Variants in ZC3H3 observed in about 807,000 individuals in gnomAD.
The protein encoded by ZC3H3 is zinc finger CCCH-type containing 3, also known as zinc finger CCCH domain-containing protein 3.
A neutral mutation model predicts 77.3 loss-of-function variants in ZC3H3; 36 were observed. The ratio of observed to expected loss-of-function variants is 0.47; its 90% CI spans 0.36 to 0.61. The LOEUF (loss-of-function observed/expected upper bound fraction) is 0.61, where lower values mean the gene tolerates loss of function less well. Ranked by LOEUF, ZC3H3 falls within the 20% of genes least tolerant of loss-of-function variation. The probability of loss-of-function intolerance (pLI) is 0.00; values close to 1 mark genes in which losing one functional copy is unlikely to be tolerated. For synonymous variants in ZC3H3, 626 were observed against 555.2 expected (o/e 1.13, Z -1.79); for missense variants, 1,331 against 1,312.2 (o/e 1.01, Z -0.22).
Position 143,465,745 on chromosome 8 carries a change from AG to A in ZC3H3, c.2278del (p.Leu760SerfsTer139). 1 of 1,613,906 alleles carries A rather than the reference AG, an allele frequency of 6.2e-7. No individual in the cohort carries two copies. The highest frequency in any genetic ancestry group is 8.5e-7 in the Non-Finnish European group (1 of 1,179,994). ...TGCACCCAGGGGGCAGTAGCCTTTGAGGAAGTCGCTGCAGACCTCGGCCTTG... is the reference window on the plus strand; with the variant it reads ...TGCACCCAGGGGGCAGTAGCCTTTGAGAAGTCGCTGCAGACCTCGGCCTTG... ...SRKAEVCSDFLKGYCPLGAKC... is the reference protein window; with the variant it reads ...SRKAEVCSDFXKGYCPLGAKC... On this transcript the variant is annotated frameshift_variant, in exon 9 of 12. Coordinates refer to ENST00000262577, the MANE Select transcript of ZC3H3 (RefSeq NM_015117.3). LOFTEE classifies it high-confidence loss of function.
At chr8:143,438,182 C>T (rs1025278189) in intron 11 of ZC3H3, 95 bp from the exon 12 acceptor site, 9 of 1,485,842 alleles carry the variant, frequency 6.1e-6, no homozygotes, top group Non-Finnish European at 8.3e-6. Flanking sequence ...TCGGGGGGCT[C>T]TGTCAGCCCA....
At chr8:143,446,847 G>A (rs945816536) in intron 9 of ZC3H3, among the ~76,000 whole-genome samples, 1 of 152,228 alleles carries the variant, frequency 6.6e-6, no homozygotes, top group African/African-American at 2.4e-5. Context: ...ACTGGGGCCC[G>A]CAACCGGAGA....
At chr8:143,477,418 C>T (rs1251091920) in intron 4 of ZC3H3, among the ~76,000 whole-genome samples, 1 of 152,226 alleles carries the variant, frequency 6.6e-6, no homozygotes, top group Non-Finnish European at 1.5e-5. Flanking sequence ...CCCCAACCCC[C>T]AGCCGGGCAC....
At chr8:143,450,318 T>C (rs1819956684) in intron 9 of ZC3H3, among the ~76,000 whole-genome samples, 2 of 152,178 alleles carry the variant, frequency 1.3e-5, no homozygotes, top group South Asian at 4.1e-4. Flanking sequence ...GTAGCTGGGA[T>C]TACAGGCATG....
intron 4 of ZC3H3, among the ~76,000 whole-genome samples, chr8:143,478,770 A>G (rs1357593968): frequency 2.6e-5 from 4 of 152,308 alleles, no homozygotes; most frequent in East Asian, 3.9e-4. Flanking sequence ...TTGGCCTCCC[A>G]AAGTGCCGGG....
intron 3 of ZC3H3, among the ~76,000 whole-genome samples, chr8:143,510,830 T>A (rs1248217991): frequency 6.6e-6 from 1 of 152,060 alleles, no homozygotes; most frequent in Non-Finnish European, 1.5e-5. Flanking sequence ...GGGCTGTAAT[T>A]TTTTTTCTCC....
At chr8:143,510,339 C>G (rs969089221) in intron 3 of ZC3H3, among the ~76,000 whole-genome samples, 1 of 152,212 alleles carries the variant, frequency 6.6e-6, no homozygotes, top group Non-Finnish European at 1.5e-5. Context: ...AGCCTGCAAC[C>G]CACCCCCACA....
chr8:143,463,136 G>A (rs987894979), intron 9 of ZC3H3, among the ~76,000 whole-genome samples: 15 of 152,068 alleles, frequency 9.9e-5, no homozygotes, highest in East Asian at 1.9e-4. Flanking sequence ...GGCATTTGCC[G>A]CCACAACCGG....
intron 4 of ZC3H3, among the ~76,000 whole-genome samples, chr8:143,489,256 G>A (rs1821130832): frequency 6.6e-6 from 1 of 151,044 alleles, no homozygotes; most frequent in African/African-American, 2.4e-5. Context: ...TCCTTGCTCT[G>A]CCACTCTCCA....
intron 11 of ZC3H3, among the ~76,000 whole-genome samples, chr8:143,438,732 C>A (rs1033041913): frequency 2.0e-5 from 3 of 152,224 alleles, no homozygotes; most frequent in African/African-American, 7.2e-5. Context: ...CGACAGGCAC[C>A]ACAGTGGCCC....
chr8:143,502,350 C>T lies in ZC3H3; in HGVS notation c.1715+5396G>A, dbSNP rs527620196. 5.3e-4 allele frequency among the ~76,000 whole-genome samples: 81 copies of T among 152,390 alleles called. 2 individuals are homozygous for T. Among genetic ancestry groups the T allele is most frequent in the African/African-American group, 1.6e-3 (65 of 41,600 alleles). ...CACACCTGCTCATTAAGGAGACACG[C>T]GTGGGGAGCGCAGCATCGCAGTGAG... On this transcript the variant is annotated intron_variant, in intron 4 of 11. Transcript: ENST00000262577.
At chr8:143,446,835 G>A (rs1333463589) in intron 9 of ZC3H3, among the ~76,000 whole-genome samples, 1 of 152,258 alleles carries the variant, frequency 6.6e-6, no homozygotes, top group Non-Finnish European at 1.5e-5. Flanking sequence ...TCTGGGGCCT[G>A]GACTGGGGCC....
rs189845798 is a variant in ZC3H3 at position 143,538,615 on chromosome 8, G to A, written c.752C>T (p.Ser251Phe). Residue 251 changes from serine (S) to phenylalanine (F), a missense_variant, in exon 2 of 12, where the codon TCC (serine) becomes TTC (phenylalanine). Around this residue, in one of 3 missense-constraint regions of ZC3H3, gnomAD observed 978 missense variants for 915.5 expected, o/e 1.07. Coordinates refer to ENST00000262577, the MANE Select transcript of ZC3H3 (RefSeq NM_015117.3). Reference protein sequence around the residue: ...VALGRKLGSHSVASCAPQLLG... With the variant: ...VALGRKLGSHFVASCAPQLLG... ...GAGCTGTGGAGCACAGCTGGCCACG[G>A]AATGAGAACCCAGCTTCCGGCCCAG... 6.2e-7 allele frequency: 1 copy of A among 1,609,558 alleles called. No individual in the cohort carries two copies. Among genetic ancestry groups the A allele is most frequent in the South Asian group, 1.1e-5 (1 of 91,088 alleles).
Position 143,440,170 on chromosome 8 carries a change from C to G in ZC3H3, c.2686G>C (p.Ala896Pro), listed in dbSNP as rs532936063. 29 of 1,611,852 alleles carry G rather than the reference C, an allele frequency of 1.8e-5. No individual in the cohort carries two copies. Among genetic ancestry groups the G allele is most frequent in the Non-Finnish European group, 2.4e-5 (28 of 1,179,696 alleles). ...TTGGAGCACGCTGCTGCTAAGGCAG[C>G]CTCCTGGAGAGATGGTGCCTCGTGG... ...LDHEAPSLQE[A>P]ALAAACSNRL... Residue 896 changes from alanine (A) to proline (P), a missense_variant, in exon 11 of 12, where the codon GCT (alanine) becomes CCT (proline). Ala to Pro is a conservative substitution (Grantham distance 27). Coordinates refer to ENST00000262577, the MANE Select transcript of ZC3H3 (RefSeq NM_015117.3).
chr8:143,538,434 G>A lies in ZC3H3; in HGVS notation c.933C>T (p.Tyr311=). Residue 311 remains tyrosine, a synonymous_variant, in exon 2 of 12, where the codon TAC becomes TAT. Transcript: ENST00000262577. ...TCTTCGAGGAGGCAGCCACCCATTT[G>A]TAGTTGTTTTTCCGGAACTTGTTAG... is the stretch of plus-strand genomic sequence containing the variant. The part of the protein sequence containing the change: ...CRTNKFRKNN[Y]KWVAASSKSP... 1.9e-6 allele frequency: 3 copies of A among 1,613,220 alleles called. No individual in the cohort carries two copies. The highest frequency in any genetic ancestry group is 2.5e-6 in the Non-Finnish European group (3 of 1,180,042).
At chr8:143,525,580 G>A (rs923292524) in intron 3 of ZC3H3, among the ~76,000 whole-genome samples, 2 of 152,176 alleles carry the variant, frequency 1.3e-5, no homozygotes, top group African/African-American at 4.8e-5. Context: ...CTTGCATGTC[G>A]CCCTGCTCCC....
At chr8:143,496,621 T>C (rs191669905) in intron 4 of ZC3H3, among the ~76,000 whole-genome samples, 16 of 152,248 alleles carry the variant, frequency 1.1e-4, no homozygotes, top group Non-Finnish European at 1.5e-5. Flanking sequence ...ACTCACAGCA[T>C]GGAAGGAGGG....
intron 3 of ZC3H3, among the ~76,000 whole-genome samples, chr8:143,524,172 C>T (rs1822338935): frequency 6.6e-6 from 1 of 152,224 alleles, no homozygotes; most frequent in African/African-American, 2.4e-5. Context: ...CAGGATGGGC[C>T]CTGGAGCAAC....
intron 9 of ZC3H3, among the ~76,000 whole-genome samples, chr8:143,443,032 GGA>G (rs1448499133): frequency 1.3e-5 from 2 of 152,098 alleles, no homozygotes; most frequent in African/African-American, 4.8e-5. Context: ...CAGCACTTTG[GGA>G]GCAAAAGCGG....
Sources: allele counts gnomAD v4.1 joint callset (sites outside exome capture counted in the v4.1 genomes callset), GRCh38; gene constraint gnomAD v4.1.1; regional missense constraint gnomAD v4.1.1; transcripts MANE v1.5; gene names NCBI Gene and HGNC (gene_info 2026-07-23, HGNC 2026-07-21).